SEMA3F: variants seen among roughly 807,000 people sequenced by gnomAD.
The protein encoded by SEMA3F is semaphorin 3F.
Under a neutral mutation model 98.5 loss-of-function variants are expected in SEMA3F, and 30 were observed. The ratio of observed to expected loss-of-function variants is 0.30; its 90% CI spans 0.23 to 0.41. The LOEUF (loss-of-function observed/expected upper bound fraction) is 0.41. Ranked by LOEUF, SEMA3F falls within the 10% of genes least tolerant of loss-of-function variation. The pLI is 1.00. For synonymous variants in SEMA3F, 380 were observed against 444.8 expected (o/e 0.85, Z 1.83); for missense variants, 866 against 1,119.3 (o/e 0.77, Z 3.23).
Position 50,184,661 on chromosome 3 carries a change from A to T in SEMA3F, c.1303A>T (p.Met435Leu). The T allele has an allele frequency of 6.2e-7, 1 of 1,614,162 alleles. No individual in the cohort carries two copies. The highest frequency in any genetic ancestry group is 8.5e-7 in the Non-Finnish European group (1 of 1,180,010). Reference sequence around the variant, plus strand: ...TTATCCTGATGAGGTGATCAACTTCATGCGCAGCCACCCACTCATGTACCA... The same window carrying T: ...TTATCCTGATGAGGTGATCAACTTCTTGCGCAGCCACCCACTCATGTACCA... ...KDYPDEVINF[M>L]RSHPLMYQAV... is the part of the protein sequence containing the mutation. The change falls in exon 13 of 19, where the codon ATG becomes TTG. Residue 435 changes from methionine to leucine, a missense_variant. Met to Leu is a conservative substitution (Grantham distance 15). This residue lies in a region of SEMA3F where 374 missense variants were observed against 582.8 expected (regional missense o/e 0.64). Coordinates refer to ENST00000002829, the MANE Select transcript of SEMA3F (RefSeq NM_004186.5).
At chr3:50,174,405 G>A (rs1414275405) in intron 5 of SEMA3F, 55 bp downstream of exon 5, 2 of 1,558,548 alleles carry the variant, frequency 1.3e-6, no homozygotes, top group Admixed American at 1.9e-5. Context: ...TGCATCCCAG[G>A]GTCCTGATGG....
intron 2 of SEMA3F, among the ~76,000 whole-genome samples, chr3:50,160,817 C>T (rs1288146101): frequency 6.6e-6 from 1 of 152,210 alleles, no homozygotes; most frequent in Non-Finnish European, 1.5e-5. Flanking sequence ...TGGCCTCGTC[C>T]CACCCTGCCC....
chr3:50,173,106 A>T (rs915644295), intron 2 of SEMA3F, among the ~76,000 whole-genome samples: 1 of 152,148 alleles, frequency 6.6e-6, no homozygotes, highest in Non-Finnish European at 1.5e-5. Flanking sequence ...TACCTGTGCC[A>T]CTTTGTCCTC....
At position 50,187,792 on chromosome 3, in the gene SEMA3F, A is replaced by G. The variant is rs372872279; in HGVS notation, c.2035A>G (p.Thr679Ala). ...QLSDRGLYSC[T>A]ATENNFKHVV... ...CAGCGATCGTGGCCTCTACTCCTGCACAGCCACTGAGAACAACTTTAAGCA... is the reference window on the plus strand; with the variant it reads ...CAGCGATCGTGGCCTCTACTCCTGCGCAGCCACTGAGAACAACTTTAAGCA... The change falls in exon 19 of 19, where the codon ACA (threonine) becomes GCA (alanine). Residue 679 changes from threonine (T) to alanine (A), a missense_variant. By Grantham distance (58) the Thr-to-Ala change is moderately conservative (BLOSUM62 0). Coordinates refer to ENST00000002829, the MANE Select transcript of SEMA3F (RefSeq NM_004186.5). 3 of 1,612,810 alleles carry G rather than the reference A, an allele frequency of 1.9e-6. No individual in the cohort carries two copies. Among genetic ancestry groups the G allele is most frequent in the East Asian group, 2.2e-5 (1 of 44,880 alleles).
At chr3:50,168,300 G>A (rs1698479105) in intron 2 of SEMA3F, among the ~76,000 whole-genome samples, 1 of 152,082 alleles carries the variant, frequency 6.6e-6, no homozygotes, top group Non-Finnish European at 1.5e-5. Flanking sequence ...GAGCATAGGG[G>A]GAAAAGGGGG....
chr3:50,187,316 G>A (rs1476958308), intron 18 of SEMA3F, among the ~76,000 whole-genome samples: 1 of 151,906 alleles, frequency 6.6e-6, no homozygotes, highest in Admixed American at 6.6e-5. Flanking sequence ...CCAGCTACTT[G>A]GGAGGCTAAG....
At position 50,156,601 on chromosome 3, in the gene SEMA3F, G is replaced by A. The variant is rs1031444297; in HGVS notation, c.-49+1037G>A. ...CCCAGGGGTTGGGAGCCCCATCTCA[G>A]CCCAGGGAGTTGGATGGAGCTGAGG... On this transcript the variant is annotated intron_variant, in intron 1 of 18. Coordinates refer to ENST00000002829, the MANE Select transcript of SEMA3F (RefSeq NM_004186.5). The surrounding 1 kb of genome is among the most constrained non-coding windows in gnomAD (Gnocchi z 4.5). Among the ~76,000 whole-genome samples, 2 of 152,214 alleles carry A rather than the reference G, an allele frequency of 1.3e-5. No homozygotes were observed. The highest frequency in any genetic ancestry group is 4.8e-5 in the African/African-American group (2 of 41,450).
chr3:50,165,785 C>G (rs547089779), intron 2 of SEMA3F, among the ~76,000 whole-genome samples: 1 of 152,242 alleles, frequency 6.6e-6, no homozygotes, highest in African/African-American at 2.4e-5. Flanking sequence ...TACAGCCCCC[C>G]ACCCAGCCTG....
At chr3:50,164,329 C>T (rs1406741691) in intron 2 of SEMA3F, among the ~76,000 whole-genome samples, 5 of 152,306 alleles carry the variant, frequency 3.3e-5, no homozygotes, top group South Asian at 2.1e-4. Context: ...CCCACTGCTT[C>T]GTAATCGTAA....
At chr3:50,162,765 G>C (rs1043403419) in intron 2 of SEMA3F, among the ~76,000 whole-genome samples, 2 of 152,234 alleles carry the variant, frequency 1.3e-5, no homozygotes, top group Non-Finnish European at 2.9e-5. Context: ...TTTGGCCAGG[G>C]ATTGGGGCCA....
At position 50,188,115 on chromosome 3, in the gene SEMA3F, AGGCCAGCTGCCTGTGCCTGCCATG is replaced by A; in HGVS notation, c.*8_*31del. ...GCCGGCACCACCCTCCGGACACATG[AGGCCAGCTGCCTGTGCCTGCCATG>A]GGCCAGCCTAGCCCTTGTCCCTTTT... is the stretch of plus-strand genomic sequence containing the variant. On this transcript the variant is annotated 3_prime_UTR_variant, in exon 19 of 19. Transcript: ENST00000002829. This position sits in a 1 kb window ranked among gnomAD's most constrained non-coding sequence, Gnocchi z 4.5. 6.7e-7 allele frequency: 1 copy of A among 1,483,900 alleles called. No individual in the cohort carries two copies. The highest frequency in any genetic ancestry group is 8.9e-7 in the Non-Finnish European group (1 of 1,119,304). The allele number at this position is 1,483,900 out of a possible 1,614,324, so 91.9% of individuals were successfully genotyped here. A position where few individuals can be genotyped will look rare whatever the true frequency, so the allele number is the denominator to read the frequency against.
At chr3:50,174,658 A>G (rs1575394335) in intron 5 of SEMA3F, among the ~76,000 whole-genome samples, 1 of 152,210 alleles carries the variant, frequency 6.6e-6, no homozygotes, top group African/African-American at 2.4e-5. Flanking sequence ...ATGCCTGTGG[A>G]CCGTGCCCCG....
chr3:50,182,192 G>C lies in SEMA3F; in HGVS notation c.644-92G>C. On this transcript the variant is annotated intron_variant, in intron 7 of 18. Transcript: ENST00000002829. This position sits in a 1 kb window ranked among gnomAD's most constrained non-coding sequence, Gnocchi z 4.5. Reference sequence around the variant, plus strand: ...GATCATGCCCCAGGGAGCCTGAGCGGGGAGATAAGGCCCTGCCCTGGAAGT... The same window carrying C: ...GATCATGCCCCAGGGAGCCTGAGCGCGGAGATAAGGCCCTGCCCTGGAAGT... 6.5e-7 allele frequency: 1 copy of C among 1,528,932 alleles called. No individual in the cohort carries two copies. Among genetic ancestry groups the C allele is most frequent in the Non-Finnish European group, 9.0e-7 (1 of 1,106,210 alleles). 94.7% of individuals were successfully genotyped at this position (1,528,932 alleles called of 1,614,324 possible).
intron 11 of SEMA3F, 58 bp from the exon 12 acceptor site, chr3:50,183,362 G>T: frequency 6.2e-7 from 1 of 1,606,892 alleles, no homozygotes; most frequent in Non-Finnish European, 8.5e-7. Context: ...GGGGCAGTTT[G>T]GGGAGGGGCC....
chr3:50,173,097 AC>A (rs1203733676), intron 2 of SEMA3F, among the ~76,000 whole-genome samples: 1 of 152,038 alleles, frequency 6.6e-6, no homozygotes, highest in Non-Finnish European at 1.5e-5. Context: ...TGGCCTGCCT[AC>A]CTGTGCCACT....
rs563259028 is a variant in SEMA3F at position 50,182,524 on chromosome 3, G to A, written c.764-120G>A. ...TAGCCTATGACTACCTGGGGCAGGG[G>A]TAGTTTCTTATCTGGAGAGGAGTTG... is the stretch of plus-strand genomic sequence containing the variant. On this transcript the variant is annotated intron_variant, in intron 8 of 18. Transcript: ENST00000002829. The surrounding 1 kb of genome is among the most constrained non-coding windows in gnomAD (Gnocchi z 4.5). 2.5e-6 allele frequency: 4 copies of A among 1,574,376 alleles called. No individual in the cohort carries two copies. Among genetic ancestry groups the A allele is most frequent in the Admixed American group, 1.7e-5 (1 of 59,072 alleles).
Position 50,166,842 on chromosome 3 carries a change from G to A in SEMA3F, c.113-6951G>A, listed in dbSNP as rs541239922. ...GAGTTTGTTGTCTTTTGCAGTCATG[G>A]GGAGGAGGAGGTGGTGGAGGAAGGA... On this transcript the variant is annotated intron_variant, in intron 2 of 18. Coordinates refer to ENST00000002829, the MANE Select transcript of SEMA3F (RefSeq NM_004186.5). The surrounding 1 kb of genome is among the most constrained non-coding windows in gnomAD (Gnocchi z 4.7). Among the ~76,000 whole-genome samples the A allele has an allele frequency of 6.6e-6, 1 of 152,206 alleles. No homozygotes were observed. Among genetic ancestry groups the A allele is most frequent in the Admixed American group, 6.5e-5 (1 of 15,284 alleles).
rs935669914 is a variant in SEMA3F at position 50,166,259 on chromosome 3, G to C, written c.112+6525G>C. Among the ~76,000 whole-genome samples, 24 of 152,218 alleles carry C rather than the reference G, an allele frequency of 1.6e-4. No individual in the cohort carries two copies. The highest frequency in any genetic ancestry group is 5.8e-4 in the African/African-American group (24 of 41,512). ...CGGTGCTGATGCCCTCATTTCCCCCGGCCAGAGTCCACTGCCTCGTGTGTC... is the reference window on the plus strand; with the variant it reads ...CGGTGCTGATGCCCTCATTTCCCCCCGCCAGAGTCCACTGCCTCGTGTGTC... On this transcript the variant is annotated intron_variant, in intron 2 of 18. Coordinates refer to ENST00000002829, the MANE Select transcript of SEMA3F (RefSeq NM_004186.5). The surrounding 1 kb of genome is among the most constrained non-coding windows in gnomAD (Gnocchi z 4.7).
chr3:50,161,445 G>A (rs938191625), intron 2 of SEMA3F, among the ~76,000 whole-genome samples: 1 of 152,222 alleles, frequency 6.6e-6, no homozygotes, highest in African/African-American at 2.4e-5. Context: ...GCGTCAGGTC[G>A]ATTCCCTCTC....
Sources: gnomAD v4.1 joint callset for allele counts (sites outside exome capture counted in the v4.1 genomes callset) on GRCh38, gnomAD v4.1.1 for gene constraint, gnomAD v4.1.1 regional missense constraint, Gnocchi (gnomAD v3.1) non-coding constraint, MANE v1.5 for transcripts, NCBI Gene and HGNC (gene_info 2026-07-23, HGNC 2026-07-21) for gene names.